ACSM5: variants seen among roughly 807,000 people sequenced by gnomAD.
The protein encoded by ACSM5 is acyl-coenzyme A synthetase ACSM5, mitochondrial.
ACSM5 carries 56 observed loss-of-function variants against 71.6 expected under a neutral mutation model. That is an observed-to-expected ratio of 0.78 (90% CI 0.63 to 0.98). The LOEUF (loss-of-function observed/expected upper bound fraction) is 0.98. Among genes scored for constraint, ACSM5 ranks in the 50% least tolerant of loss-of-function variants. ACSM5 has a pLI of 0.00. For missense variants in ACSM5, 723 were observed against 726.0 expected (o/e 1.00, Z 0.05); for synonymous variants, 285 against 281.5 (o/e 1.01, Z -0.12).
At position 20,419,434 on chromosome 16, in the gene ACSM5, C is replaced by T. The variant is rs533410184; in HGVS notation, c.622C>T (p.Arg208Trp). Residue 208 changes from arginine to tryptophan, a missense_variant and splice_region_variant, in exon 4 of 14, where the codon CGG becomes TGG. Physicochemically the swap from Arg to Trp is moderately radical, Grantham distance 101. Coordinates refer to ENST00000331849, the MANE Select transcript of ACSM5 (RefSeq NM_017888.3). Reference sequence around the variant, plus strand: ...CTGGTTGAACTTCAGGGAACTCCTCCGGTGAATTGGGGCTCTCCAGAACAG... The same window carrying T: ...CTGGTTGAACTTCAGGGAACTCCTCTGGTGAATTGGGGCTCTCCAGAACAG... ...PGWLNFRELL[R>W]EASTEHNCMR... 6.8e-6 allele frequency: 11 copies of T among 1,613,944 alleles called. No homozygotes were observed. The highest frequency in any genetic ancestry group is 3.3e-5 in the Admixed American group (2 of 60,018).
chr16:20,414,618 C>A (rs1489427742), intron 2 of ACSM5, among the ~76,000 whole-genome samples: 7 of 152,252 alleles, frequency 4.6e-5, no homozygotes, highest in South Asian at 4.1e-4. Context: ...ATTACAGCAG[C>A]AATAGATGGG....
At chr16:20,416,510 C>T (rs1344197941) in intron 2 of ACSM5, among the ~76,000 whole-genome samples, 1 of 152,160 alleles carries the variant, frequency 6.6e-6, no homozygotes, top group African/African-American at 2.4e-5. Flanking sequence ...GATGCTGGCA[C>T]AACTGTGTGT....
Position 20,424,014 on chromosome 16 carries a change from G to C in ACSM5, c.866G>C (p.Gly289Ala), listed in dbSNP as rs1966928984. 2 of 1,614,154 alleles carry C rather than the reference G, an allele frequency of 1.2e-6. No individual in the cohort carries two copies. The highest frequency in any genetic ancestry group is 2.2e-5 in the South Asian group (2 of 91,088). Residue 289 changes from glycine (G) to alanine (A), a missense_variant, in exon 6 of 14, where the codon GGA becomes GCA. Gly to Ala is a moderately conservative substitution (Grantham distance 60, BLOSUM62 0). Coordinates refer to ENST00000331849, the MANE Select transcript of ACSM5 (RefSeq NM_017888.3). ...ACTCTCTTCTCTGCCTGGCCTAATG[G>C]ATCTTGCATTTTTGTGCATGAGCTG... ...AWTLFSAWPN[G>A]SCIFVHELPR...
chr16:20,431,097 G>T (rs1465183441), intron 9 of ACSM5, 24 bp downstream of exon 9: 1 of 1,608,580 alleles, frequency 6.2e-7, no homozygotes, highest in African/African-American at 1.3e-5. Context: ...CCAACTTCTG[G>T]CAAGGCCTGG....
At chr16:20,432,640 C>T (rs555760269) in intron 10 of ACSM5, among the ~76,000 whole-genome samples, 12 of 152,094 alleles carry the variant, frequency 7.9e-5, no homozygotes, top group South Asian at 4.2e-4. Context: ...GACTTCGTGC[C>T]GCTCGGTGTG....
At chr16:20,430,504 G>C (rs1967072017) in intron 8 of ACSM5, among the ~76,000 whole-genome samples, 1 of 151,814 alleles carries the variant, frequency 6.6e-6, no homozygotes, top group African/African-American at 2.4e-5. Flanking sequence ...GTTAACTATG[G>C]AAAGAAAAGA....
chr16:20,440,904 A>G lies in ACSM5; in HGVS notation c.*477A>G, dbSNP rs1967317137. 1 of 153,732 alleles carries G rather than the reference A, an allele frequency of 6.5e-6. No homozygotes were observed. Among genetic ancestry groups the G allele is most frequent in the African/African-American group, 2.4e-5 (1 of 41,468 alleles). 9.5% of individuals were successfully genotyped at this position (153,732 alleles called of 1,614,324 possible). A position where few individuals can be genotyped will look rare whatever the true frequency, so the allele number is the denominator to read the frequency against. ...TCGGGAGTCACCACAAAAGAAAAAAATCAAAATGCAGAAAATGTGTGGTGC... is the reference window on the plus strand; with the variant it reads ...TCGGGAGTCACCACAAAAGAAAAAAGTCAAAATGCAGAAAATGTGTGGTGC... On this transcript the variant is annotated 3_prime_UTR_variant, in exon 14 of 14. Transcript: ENST00000331849.
rs112316240 is a variant in ACSM5 at position 20,431,109 on chromosome 16, A to G, written c.1206+36A>G. 6.2e-5 allele frequency: 99 copies of G among 1,598,748 alleles called. 1 individual carries two copies. The highest frequency in any genetic ancestry group is 3.9e-4 in the African/African-American group (29 of 74,520). On this transcript the variant is annotated intron_variant, in intron 9 of 13. Coordinates refer to ENST00000331849, the MANE Select transcript of ACSM5 (RefSeq NM_017888.3). ...CCCCCAACTTCTGGCAAGGCCTGGC[A>G]TGGAGAGGAGAAAGACACACAGGCC...
At chr16:20,426,438 A>T (rs1596618420) in intron 6 of ACSM5, among the ~76,000 whole-genome samples, 2 of 152,220 alleles carry the variant, frequency 1.3e-5, no homozygotes, top group South Asian at 4.1e-4. Context: ...GGTTGCAATC[A>T]AGAGGTCAGC....
At chr16:20,439,594 G>GAAAGGTC (rs1272940285) in intron 12 of ACSM5, among the ~76,000 whole-genome samples, 1 of 150,986 alleles carries the variant, frequency 6.6e-6, no homozygotes, top group African/African-American at 2.4e-5. Flanking sequence ...AATCATCCCA[G>GAAAGGTC]AAAGGTCAAT....
At position 20,441,119 on chromosome 16, in the gene ACSM5, A is replaced by C. The variant is rs1166156203; in HGVS notation, c.*692A>C. The C allele has an allele frequency of 2.6e-5, 4 of 152,324 alleles. No individual in the cohort carries two copies. In the East Asian group the frequency reaches 7.7e-4, roughly 29 times the overall value. The allele number at this position is 152,324 out of a possible 1,614,324, so 9.4% of individuals were successfully genotyped here. A position where few individuals can be genotyped will look rare whatever the true frequency, so the allele number is the denominator to read the frequency against. ...AGTGTAAGCTATATTAATTTTAAAA[A>C]TCAGAGCAAAAATATTCATACTGGA... On this transcript the variant is annotated 3_prime_UTR_variant, in exon 14 of 14. Coordinates refer to ENST00000331849, the MANE Select transcript of ACSM5 (RefSeq NM_017888.3).
chr16:20,423,368 C>T (rs1254345282), intron 5 of ACSM5, among the ~76,000 whole-genome samples: 3 of 152,226 alleles, frequency 2.0e-5, no homozygotes, highest in African/African-American at 7.2e-5. Context: ...CTCTGCCTCA[C>T]CTATATAATC....
intron 4 of ACSM5, 115 bp from the exon 5 acceptor site, chr16:20,421,143 A>G: frequency 1.5e-6 from 2 of 1,326,334 alleles, no homozygotes; most frequent in Non-Finnish European, 2.0e-6. Flanking sequence ...CTTTCAGCAC[A>G]GCACCTCACA....
At position 20,427,878 on chromosome 16, in the gene ACSM5, T is replaced by A. The variant is rs780109290; in HGVS notation, c.1001+11T>A. The A allele has an allele frequency of 6.2e-6, 10 of 1,605,564 alleles. No individual in the cohort carries two copies. In the South Asian group the frequency reaches 1.1e-4, roughly 18 times the overall value. On this transcript the variant is annotated intron_variant, in intron 7 of 13. Transcript: ENST00000331849. ...GGAGGATCTGACCAGGTACAGCCCG[T>A]CTATTTCGTGCTTTGAGGGCCTAAG... is the stretch of plus-strand genomic sequence containing the variant.
chr16:20,414,913 A>G (rs1966853745), intron 2 of ACSM5, among the ~76,000 whole-genome samples: 1 of 152,242 alleles, frequency 6.6e-6, no homozygotes, highest in African/African-American at 2.4e-5. Context: ...TGAACATTAA[A>G]GGCACAGATG....
intron 4 of ACSM5, among the ~76,000 whole-genome samples, chr16:20,420,849 T>G (rs559828910): frequency 8.1e-4 from 123 of 152,274 alleles, no homozygotes; most frequent in Non-Finnish European, 1.4e-3. Flanking sequence ...CACAGAACTT[T>G]GGGAATTACC....
chr16:20,427,028 C>A (rs184279739), intron 6 of ACSM5, among the ~76,000 whole-genome samples: 1 of 139,484 alleles, frequency 7.2e-6, no homozygotes, highest in African/African-American at 2.6e-5. Context: ...GGTGGCCGGG[C>A]ACAGTGGTTC....
chr16:20,423,866 T>C (rs551162831), intron 5 of ACSM5, 50 bp from the exon 6 acceptor site: 5 of 1,606,638 alleles, frequency 3.1e-6, no homozygotes, highest in East Asian at 2.2e-5. Flanking sequence ...CAATCCTTTT[T>C]AAAGGTAGAG....
intron 3 of ACSM5, 71 bp downstream of exon 3, chr16:20,418,340 G>T: frequency 6.9e-7 from 1 of 1,445,128 alleles, no homozygotes; most frequent in Admixed American, 2.3e-5. Flanking sequence ...GTGTCCACAG[G>T]GTCTTGAAGA....
Sources: allele counts gnomAD v4.1 joint callset (sites outside exome capture counted in the v4.1 genomes callset), GRCh38; gene constraint gnomAD v4.1.1; transcripts MANE v1.5; gene names NCBI Gene and HGNC (gene_info 2026-07-23, HGNC 2026-07-21).